EFHC1: variants seen among roughly 807,000 people sequenced by gnomAD.
EFHC1 encodes EF-hand domain containing 1, also known as EF-hand domain-containing protein 1.
EFHC1 carries 53 observed loss-of-function variants against 69.9 expected under a neutral mutation model. The observed-to-expected ratio is 0.76, with a 90% confidence interval of 0.61 to 0.95. EFHC1 has a LOEUF of 0.95. Ranked by LOEUF, EFHC1 falls within the 40% of genes least tolerant of loss-of-function variation. The pLI, the probability that EFHC1 is intolerant of heterozygous loss-of-function variation, is 0.00. For synonymous variants in EFHC1, 256 were observed against 278.4 expected, an observed-to-expected ratio of 0.92 and a Z score of 0.80; for missense variants, 739 against 798.7, an observed-to-expected ratio of 0.93 and a Z score of 0.90.
At chr6:52,477,446 G>C (rs1459406956) in intron 7 of EFHC1, among the ~76,000 whole-genome samples, 28 of 152,150 alleles carry the variant, frequency 1.8e-4, no homozygotes, top group Admixed American at 1.8e-3. Flanking sequence ...AAACAAATCT[G>C]TATTAAGTTT....
At chr6:52,445,021 G>GGT (rs1417349449) in intron 3 of EFHC1, among the ~76,000 whole-genome samples, 1 of 150,808 alleles carries the variant, frequency 6.6e-6, no homozygotes, top group Non-Finnish European at 1.5e-5. Flanking sequence ...GTGTTGGGAG[G>GGT]GTGTGTGTGT....
chr6:52,453,075 C>T, intron 4 of EFHC1: 1 of 1,487,774 alleles, frequency 6.7e-7, no homozygotes, highest in Non-Finnish European at 8.9e-7. Context: ...TTGTGAACCT[C>T]ACCAAACATT....
chr6:52,424,178 G>A lies in EFHC1; in HGVS notation c.285+11G>A, dbSNP rs1187544033. 1 of 1,612,274 alleles carries A rather than the reference G, an allele frequency of 6.2e-7. No individual in the cohort carries two copies. Among genetic ancestry groups the A allele is most frequent in the Non-Finnish European group, 8.5e-7 (1 of 1,179,066 alleles). ...GCCTTTGACAAAAAGGTATCATCTG[G>A]AATTTTAGGGTACCCCTTGAATTAG... On this transcript the variant is annotated intron_variant, in intron 2 of 10. Coordinates refer to ENST00000371068, the MANE Select transcript of EFHC1 (RefSeq NM_018100.4).
At chr6:52,454,911 A>T (rs1765006221) in intron 5 of EFHC1, among the ~76,000 whole-genome samples, 1 of 151,778 alleles carries the variant, frequency 6.6e-6, no homozygotes, top group African/African-American at 2.4e-5. Context: ...GGGCAACGTG[A>T]TGAAACCTCC....
chr6:52,480,042 A>C, intron 9 of EFHC1: 1 of 624,596 alleles, frequency 1.6e-6, no homozygotes, highest in Non-Finnish European at 2.8e-6. Flanking sequence ...TCCACAGCTG[A>C]AAATTCATGT....
intron 5 of EFHC1, among the ~76,000 whole-genome samples, chr6:52,462,727 A>G (rs1376289859): frequency 6.6e-6 from 1 of 152,022 alleles, no homozygotes; most frequent in Non-Finnish European, 1.5e-5. Flanking sequence ...ATTTCTACTA[A>G]AAATGCAAAA....
chr6:52,467,995 A>G lies in EFHC1; in HGVS notation c.1138-1338A>G, dbSNP rs996848565. ...GGATAGAAGTAGATACGAAATGGAT[A>G]TATTCAATTCGAGAGGTATGGCACT... On this transcript the variant is annotated intron_variant, in intron 6 of 10. Transcript: ENST00000371068. Among the ~76,000 whole-genome samples, 21 of 152,350 alleles carry G rather than the reference A, an allele frequency of 1.4e-4. No homozygotes were observed. The South Asian group carries it at 3.1e-3, about 23-fold the overall frequency.
chr6:52,448,033 G>A (rs1764825529), intron 3 of EFHC1, among the ~76,000 whole-genome samples: 1 of 152,176 alleles, frequency 6.6e-6, no homozygotes, highest in Admixed American at 6.5e-5. Context: ...ACCCACTTGA[G>A]GAGGCAGTCT....
intron 3 of EFHC1, among the ~76,000 whole-genome samples, chr6:52,446,817 T>A (rs907364251): frequency 2.0e-5 from 3 of 152,232 alleles, no homozygotes; most frequent in Non-Finnish European, 4.4e-5. Flanking sequence ...CCTTCACTTA[T>A]GAAGCTTAGT....
Position 52,495,937 on chromosome 6 carries a change from T to TCAC in EFHC1, c.*3598_*3600dup. On this transcript the variant is annotated 3_prime_UTR_variant, in exon 11 of 11. Transcript: ENST00000371068. ...TCTGTGGTGTCCAAACACTCGCTGC[T>TCAC]CACCTGTTTATACAAAGCAGCAAGT... is the stretch of plus-strand genomic sequence containing the variant. 1 of 272,732 alleles carries TCAC rather than the reference T, an allele frequency of 3.7e-6. No individual in the cohort carries two copies. Among genetic ancestry groups the TCAC allele is most frequent in the East Asian group, 8.9e-5 (1 of 11,282 alleles). The allele number at this position is 272,732 out of a possible 1,614,324, so 16.9% of individuals were successfully genotyped here.
At position 52,492,258 on chromosome 6, in the gene EFHC1, C is replaced by A; in HGVS notation, c.1852-12C>A. On this transcript the variant is annotated splice_polypyrimidine_tract_variant and intron_variant, in intron 10 of 10. Transcript: ENST00000371068. Reference sequence around the variant, plus strand: ...AGATCTGTCTCACCTATTCTCTTTGCTCTCTCTGCAGTTAATCAGGATGTG... The same window carrying A: ...AGATCTGTCTCACCTATTCTCTTTGATCTCTCTGCAGTTAATCAGGATGTG... 1 of 1,612,980 alleles carries A rather than the reference C, an allele frequency of 6.2e-7. No individual in the cohort carries two copies. The highest frequency in any genetic ancestry group is 1.3e-5 in the African/African-American group (1 of 75,020).
At chr6:52,435,045 A>G (rs1764501799) in intron 2 of EFHC1, among the ~76,000 whole-genome samples, 1 of 152,144 alleles carries the variant, frequency 6.6e-6, no homozygotes, top group Admixed American at 6.5e-5. Context: ...GTGGCCACAG[A>G]CTTGATCTTT....
In EFHC1 at chr6:52,435,013, C is replaced by T. The variant is rs538827323; in HGVS notation, c.286-3291C>T. ...TTTCATGCCCACCAATCTTAGAAAA[C>T]AGATGGTTTGGGAGCATGGCTGTGG... On this transcript the variant is annotated intron_variant, in intron 2 of 10. Coordinates refer to ENST00000371068, the MANE Select transcript of EFHC1 (RefSeq NM_018100.4). Among the ~76,000 whole-genome samples the T allele has an allele frequency of 1.4e-4, 21 of 152,162 alleles. No individual in the cohort carries two copies. In the East Asian group the frequency reaches 3.7e-3, roughly 27 times the overall value.
rs759898933 is a variant in EFHC1, at chr6:52,453,857, T to C, written c.724-238T>C. The C allele has an allele frequency of 2.4e-5, 33 of 1,355,174 alleles. 2 individuals are homozygous for C. In the Admixed American group the frequency reaches 2.9e-4, roughly 12 times the overall value. 83.9% of individuals were successfully genotyped at this position (1,355,174 alleles called of 1,614,324 possible). ...TTGGATCAAAGTGAGCTCTTCTTTT[T>C]TGGCACAAACTTATAATCCTATTAT... On this transcript the variant is annotated intron_variant, in intron 4 of 10. Coordinates refer to ENST00000371068, the MANE Select transcript of EFHC1 (RefSeq NM_018100.4).
intron 2 of EFHC1, among the ~76,000 whole-genome samples, chr6:52,432,298 G>T (rs1160361564): frequency 6.6e-6 from 1 of 151,978 alleles, no homozygotes; most frequent in African/African-American, 2.4e-5. Context: ...TTGTTTTATA[G>T]GTCCTGTGAG....
chr6:52,475,748 G>A (rs2114019651), intron 7 of EFHC1, among the ~76,000 whole-genome samples: 1 of 152,252 alleles, frequency 6.6e-6, no homozygotes, highest in South Asian at 2.1e-4. Flanking sequence ...AAATATTAAA[G>A]GACTACTCTG....
chr6:52,469,202 T>C (rs2114012224), intron 6 of EFHC1, 131 bp from the exon 7 acceptor site: 1 of 1,191,974 alleles, frequency 8.4e-7, no homozygotes, highest in Non-Finnish European at 1.2e-6. Flanking sequence ...TTTCTGACTA[T>C]ATTTGTTTAT....
intron 7 of EFHC1, among the ~76,000 whole-genome samples, chr6:52,473,687 C>G (rs1765485954): frequency 6.6e-6 from 1 of 152,080 alleles, no homozygotes; most frequent in Non-Finnish European, 1.5e-5. Context: ...GAGGCTGAGG[C>G]AGGAGAATCA....
chr6:52,431,628 T>C (rs1387743251), intron 2 of EFHC1, among the ~76,000 whole-genome samples: 1 of 152,160 alleles, frequency 6.6e-6, no homozygotes, highest in Non-Finnish European at 1.5e-5. Flanking sequence ...TATCATATGG[T>C]CTGTCTTGGA....
Sources: allele counts gnomAD v4.1 joint callset (sites outside exome capture counted in the v4.1 genomes callset), GRCh38; gene constraint gnomAD v4.1.1; transcripts MANE v1.5; gene names NCBI Gene and HGNC (gene_info 2026-07-23, HGNC 2026-07-21).